The following F13B variants were observed in gnomAD, a reference collection of about 807,000 sequenced individuals.
The protein encoded by F13B is coagulation factor XIII B chain, also known as TGase.
F13B carries 58 observed loss-of-function variants against 79.8 expected under a neutral mutation model. The observed-to-expected ratio is 0.73, with a 90% CI of 0.59 to 0.90. The LOEUF (loss-of-function observed/expected upper bound fraction) is 0.90, where lower values mean the gene tolerates loss of function less well. Among genes scored for constraint, F13B ranks in the 40% least tolerant of loss-of-function variants. F13B has a pLI of 0.00. For missense variants in F13B, 773 were observed against 777.0 expected (o/e 0.99, Z 0.06); for synonymous variants, 283 against 260.3 (o/e 1.09, Z -0.84).
At position 197,050,945 on chromosome 1, in the gene F13B, C is replaced by A. The variant is rs927017666; in HGVS notation, c.1556-66G>T. ...ATGAACATCCAGTACTTTATAAGTG[C>A]TACAGAGACAGAGTCTCCCTCTGTC... On this transcript the variant is annotated intron_variant, in intron 9 of 11. Coordinates refer to ENST00000367412, the MANE Select transcript of F13B (RefSeq NM_001994.3). 9 of 1,363,546 alleles carry A rather than the reference C, an allele frequency of 6.6e-6. No individual in the cohort carries two copies. In the African/African-American group the frequency reaches 1.0e-4, roughly 15 times the overall value. 84.5% of individuals were successfully genotyped at this position (1,363,546 alleles called of 1,614,324 possible). A position where few individuals can be genotyped will look rare whatever the true frequency, so the allele number is the denominator to read the frequency against.
At chr1:197,061,135 T>A (rs1296380596) in intron 3 of F13B, 60 bp from the exon 4 acceptor site, 1 of 877,658 alleles carries the variant, frequency 1.1e-6, no homozygotes, top group African/African-American at 1.7e-5. Context: ...TTATAAAAAA[T>A]CTCAAAATAT....
chr1:197,051,879 T>A (rs941735956), intron 9 of F13B, among the ~76,000 whole-genome samples: 6 of 152,176 alleles, frequency 3.9e-5, no homozygotes, highest in Non-Finnish European at 7.4e-5. Context: ...GTTCGTTTTT[T>A]TCTTGTAAAT....
chr1:197,064,369 C>T (rs1448824082), intron 1 of F13B, among the ~76,000 whole-genome samples: 1 of 152,088 alleles, frequency 6.6e-6, no homozygotes, highest in Admixed American at 6.6e-5. Context: ...TAGTCCCAAA[C>T]TGGGAACAAT....
intron 10 of F13B, among the ~76,000 whole-genome samples, chr1:197,041,659 C>T (rs1273234888): frequency 6.6e-6 from 1 of 152,116 alleles, no homozygotes; most frequent in South Asian, 2.1e-4. Flanking sequence ...CAGTGCATGC[C>T]TGAAACCGCA....
chr1:197,047,621 C>T (rs924177228), intron 10 of F13B, among the ~76,000 whole-genome samples: 1 of 152,108 alleles, frequency 6.6e-6, no homozygotes, highest in Non-Finnish European at 1.5e-5. Context: ...TACCATTTGA[C>T]CTAGTGATCT....
In F13B at chr1:197,057,765, A is replaced by C. The variant is rs1759008; in HGVS notation, c.806-300T>G. Reference sequence around the variant, plus strand: ...CGCCATTCTTGCCAAGAGACTCTCTATCCTTGCTGGTTTTGAAGAAACAAG... The same window carrying C: ...CGCCATTCTTGCCAAGAGACTCTCTCTCCTTGCTGGTTTTGAAGAAACAAG... On this transcript the variant is annotated intron_variant, in intron 5 of 11. Coordinates refer to ENST00000367412, the MANE Select transcript of F13B (RefSeq NM_001994.3). Among the ~76,000 whole-genome samples, 120,086 of 152,038 alleles carry C rather than the reference A, an allele frequency of 0.79. 50,397 individuals carry two copies. The highest frequency in any genetic ancestry group is 1 in the East Asian group (5,166 of 5,170).
At chr1:197,046,590 G>A (rs1410568231) in intron 10 of F13B, among the ~76,000 whole-genome samples, 1 of 152,120 alleles carries the variant, frequency 6.6e-6, no homozygotes, top group African/African-American at 2.4e-5. Flanking sequence ...TGCTGCCTAA[G>A]GTAATTTATA....
rs1357071091 is a variant in F13B at position 197,057,104 on chromosome 1, C to A, written c.1080G>T (p.Val360=). The part of the protein sequence containing the change: ...HSKIYYNGDK[V]TYACKSGYLL... ...GGTAGCCGCTTTTACATGCATATGTCACTTTATCCCCATTGTAATAAATCT... is the reference window on the plus strand; with the variant it reads ...GGTAGCCGCTTTTACATGCATATGTAACTTTATCCCCATTGTAATAAATCT... The change falls in exon 7 of 12, where the codon GTG becomes GTT. Residue 360 remains valine, a synonymous_variant. Transcript: ENST00000367412. 1 of 1,613,716 alleles carries A rather than the reference C, an allele frequency of 6.2e-7. No homozygotes were observed. Among genetic ancestry groups the A allele is most frequent in the East Asian group, 2.2e-5 (1 of 44,874 alleles).
At chr1:197,064,344 G>C (rs532032819) in intron 1 of F13B, among the ~76,000 whole-genome samples, 14 of 152,220 alleles carry the variant, frequency 9.2e-5, no homozygotes, top group African/African-American at 3.1e-4. Flanking sequence ...AATGCTTATA[G>C]TGGCAGTATT....
chr1:197,052,612 G>T, intron 9 of F13B, 22 bp downstream of exon 9: 1 of 1,556,194 alleles, frequency 6.4e-7, no homozygotes, highest in East Asian at 2.3e-5. Flanking sequence ...AAAGATACTT[G>T]CAGAGAACAT....
chr1:197,045,151 T>C (rs988638794), intron 10 of F13B, among the ~76,000 whole-genome samples: 21 of 151,744 alleles, frequency 1.4e-4, no homozygotes, highest in African/African-American at 4.4e-4. Context: ...AAGAAATAAC[T>C]AAGATCAGAG....
At chr1:197,059,884 T>C (rs2125070799) in intron 5 of F13B, among the ~76,000 whole-genome samples, 1 of 152,288 alleles carries the variant, frequency 6.6e-6, no homozygotes, top group African/African-American at 2.4e-5. Context: ...TATTACATTT[T>C]TGGGCAGCTT....
chr1:197,038,858 C>T lies in F13B; in HGVS notation c.*520G>A, dbSNP rs989481297. Among the ~76,000 whole-genome samples, 3 of 151,888 alleles carry T rather than the reference C, an allele frequency of 2.0e-5. No individual in the cohort carries two copies. The highest frequency in any genetic ancestry group is 4.4e-5 in the Non-Finnish European group (3 of 67,946). On this transcript the variant is annotated 3_prime_UTR_variant, in exon 12 of 12. Coordinates refer to ENST00000367412, the MANE Select transcript of F13B (RefSeq NM_001994.3). The stretch of plus-strand genomic sequence containing the variant: ...GTTATTAACGTTGTAGCAAATATTA[C>T]AGTTAATTTTAAAAGTTTTTTACAT...
chr1:197,039,182 T>C lies in F13B; in HGVS notation c.*196A>G. ...CATACAAAAGAGATTAAGTTCTACA[T>C]CAAATCATACAAACTAAAAATTAGA... On this transcript the variant is annotated 3_prime_UTR_variant, in exon 12 of 12. Transcript: ENST00000367412. The C allele has an allele frequency of 5.4e-6, 3 of 557,436 alleles. No individual in the cohort carries two copies. Among genetic ancestry groups the C allele is most frequent in the Non-Finnish European group, 9.5e-6 (3 of 315,294 alleles). 34.5% of individuals were successfully genotyped at this position (557,436 alleles called of 1,614,324 possible).
intron 10 of F13B, among the ~76,000 whole-genome samples, chr1:197,041,755 A>T (rs901609326): frequency 1.3e-4 from 20 of 152,144 alleles, no homozygotes; most frequent in African/African-American, 4.1e-4. Context: ...CTTCCACCTC[A>T]ACTAAACATT....
intron 10 of F13B, among the ~76,000 whole-genome samples, chr1:197,046,738 A>C (rs76447102): frequency 0.3 from 46,327 of 152,112 alleles, 8,835 homozygotes; most frequent in Middle Eastern, 0.45. Flanking sequence ...AGCTGGAGGC[A>C]TCAGGCTACC....
intron 5 of F13B, among the ~76,000 whole-genome samples, chr1:197,060,055 G>A (rs545819682): frequency 1.7e-4 from 26 of 152,072 alleles, no homozygotes; most frequent in Non-Finnish European, 2.6e-4. Context: ...CCAGATTGGG[G>A]TAATTAGTCC....
intron 10 of F13B, among the ~76,000 whole-genome samples, chr1:197,041,907 T>C (rs1026629520): frequency 6.6e-6 from 1 of 152,184 alleles, no homozygotes; most frequent in Non-Finnish European, 1.5e-5. Flanking sequence ...ATACATTTAT[T>C]TTTCCTTTCT....
Position 197,040,698 on chromosome 1 carries a change from A to G in F13B, c.1776T>C (p.Asn592=). ...CAAAATCCCATTTCAGAAGTAAATT[A>G]TTCTTTTCCATTTCAGTAAAAGATA... is the stretch of plus-strand genomic sequence containing the variant. ...CTLSFTEMEK[N]NLLLKWDFDN... is the part of the protein sequence containing the mutation. Residue 592 remains asparagine, a synonymous_variant, in exon 11 of 12, where the codon AAT becomes AAC. Coordinates refer to ENST00000367412, the MANE Select transcript of F13B (RefSeq NM_001994.3). The G allele has an allele frequency of 1.7e-5, 28 of 1,612,404 alleles. No homozygotes were observed. Among genetic ancestry groups the G allele is most frequent in the Non-Finnish European group, 2.4e-5 (28 of 1,178,886 alleles).
Sources: allele counts gnomAD v4.1 joint callset (sites outside exome capture counted in the v4.1 genomes callset), GRCh38; gene constraint gnomAD v4.1.1; transcripts MANE v1.5; gene names NCBI Gene and HGNC (gene_info 2026-07-23, HGNC 2026-07-21).